Variants in SYT7 observed in about 807,000 individuals in gnomAD.
SYT7 encodes synaptotagmin 7, also known as synaptotagmin-7.
SYT7 carries 29 observed loss-of-function variants against 75.1 expected under a neutral mutation model. That is an observed-to-expected ratio of 0.39 (90% CI 0.29 to 0.53). The LOEUF (loss-of-function observed/expected upper bound fraction) is 0.53, where lower values mean the gene tolerates loss of function less well. SYT7 is among the 20% of genes least tolerant of loss of function. SYT7 has a pLI of 0.77. For missense variants in SYT7, 693 were observed against 953.2 expected (o/e 0.73, Z 3.59); for synonymous variants, 376 against 401.7 (o/e 0.94, Z 0.76).
Position 61,524,038 on chromosome 11 carries a change from C to T in SYT7, c.1642-97G>A, listed in dbSNP as rs941170920. The T allele has an allele frequency of 1.1e-4, 117 of 1,089,188 alleles. 1 individual carries two copies. Among genetic ancestry groups the T allele is most frequent in the Non-Finnish European group, 1.5e-4 (109 of 722,134 alleles). 67.5% of individuals were successfully genotyped at this position (1,089,188 alleles called of 1,614,324 possible). A position where few individuals can be genotyped will look rare whatever the true frequency, so the allele number is the denominator to read the frequency against. On this transcript the variant is annotated intron_variant, in intron 10 of 12. Coordinates refer to ENST00000539008, the MANE Select transcript of SYT7 (RefSeq NM_001365809.2). The surrounding 1 kb of genome is among the most constrained non-coding windows in gnomAD (Gnocchi z 4.1). ...GGTCCCCTCTACCCTGACCTTGGTG[C>T]TTACCCATGCCCCTGTCTGTCACCT...
intron 1 of SYT7, among the ~76,000 whole-genome samples, chr11:61,557,450 AG>A (rs2063528332): frequency 6.6e-6 from 1 of 152,190 alleles, no homozygotes; most frequent in African/African-American, 2.4e-5. Flanking sequence ...AGGAAGGCCC[AG>A]CAGTCACCCT....
intron 1 of SYT7, among the ~76,000 whole-genome samples, chr11:61,563,579 T>A (rs1046565654): frequency 3.3e-5 from 5 of 152,192 alleles, no homozygotes; most frequent in Non-Finnish European, 7.4e-5. Context: ...GGCCTCCCTT[T>A]GAGCTGATGA....
chr11:61,514,660 G>A lies in SYT7; in HGVS notation c.*3967C>T, dbSNP rs2062111063. On this transcript the variant is annotated 3_prime_UTR_variant, in exon 13 of 13. Transcript: ENST00000539008. ...TGCTTTGTTGTGGCCAGAAGAAACA[G>A]GTGGAAGGAAAGAGCTTGCCCAGGG... Among the ~76,000 whole-genome samples the A allele has an allele frequency of 6.6e-6, 1 of 152,204 alleles. No homozygotes were observed. Among genetic ancestry groups the A allele is most frequent in the South Asian group, 2.1e-4 (1 of 4,828 alleles).
chr11:61,537,041 C>G (rs1374906069), intron 7 of SYT7, among the ~76,000 whole-genome samples: 1 of 152,224 alleles, frequency 6.6e-6, no homozygotes, highest in South Asian at 2.1e-4. Flanking sequence ...GCAGAGAACC[C>G]AGAGAGGGGC....
chr11:61,525,590 T>C (rs867539791), intron 9 of SYT7: 12 of 152,076 alleles, frequency 7.9e-5, no homozygotes, highest in Non-Finnish European at 1.8e-4. Context: ...CACCTTTTTT[T>C]CCGCAAAACA....
In SYT7 at chr11:61,556,152, G is replaced by A. The variant is rs201514703; in HGVS notation, c.87C>T (p.Ser29=). 5 of 1,614,024 alleles carry A rather than the reference G, an allele frequency of 3.1e-6. No individual in the cohort carries two copies. In the African/African-American group the frequency reaches 4.0e-5, roughly 13 times the overall value. Residue 29 remains serine (S), a synonymous_variant, in exon 2 of 13, where the codon AGC becomes AGT. Transcript: ENST00000539008. The part of the protein sequence containing the change: ...LVSAIITVSL[S]VTVVLCGLCH... The stretch of plus-strand genomic sequence containing the variant: ...AGAGGCCGCAGAGGACGACAGTGAC[G>A]CTAAGGCTGACGGTGATGATGGCAG...
intron 7 of SYT7, 111 bp downstream of exon 7, chr11:61,538,033 C>A: frequency 6.9e-7 from 1 of 1,443,498 alleles, no homozygotes; most frequent in East Asian, 2.5e-5. Flanking sequence ...GCTCCAGCAT[C>A]CGCTGAAGGC....
intron 8 of SYT7, among the ~76,000 whole-genome samples, chr11:61,529,732 T>A (rs2062645978): frequency 6.6e-6 from 1 of 152,118 alleles, no homozygotes; most frequent in Non-Finnish European, 1.5e-5. Flanking sequence ...CCTCCCAAGG[T>A]CAAGCGATTT....
At chr11:61,527,879 G>A in intron 9 of SYT7, 36 bp downstream of exon 9, 5 of 1,608,310 alleles carry the variant, frequency 3.1e-6, no homozygotes, top group South Asian at 1.1e-5. Flanking sequence ...GACAGCAAGA[G>A]GTGACCATGG....
At chr11:61,525,174 G>A (rs931364359) in intron 9 of SYT7, among the ~76,000 whole-genome samples, 10 of 152,246 alleles carry the variant, frequency 6.6e-5, no homozygotes, top group African/African-American at 1.9e-4. Flanking sequence ...TCTCCAAACC[G>A]CCCTCCCCGC....
chr11:61,557,561 C>T (rs896274656), intron 1 of SYT7, among the ~76,000 whole-genome samples: 2 of 152,176 alleles, frequency 1.3e-5, no homozygotes, highest in African/African-American at 2.4e-5. Flanking sequence ...TACTAGAACC[C>T]TCTTTGGGCC....
the SYT7 span, among the ~76,000 whole-genome samples, chr11:61,587,830 G>A: frequency 1.3e-5 from 2 of 152,192 alleles, no homozygotes; most frequent in Admixed American, 6.5e-5. Flanking sequence ...CGCGGAGGGG[G>A]TGCCGCGGAG....
chr11:61,573,527 G>A (rs574867392), intron 1 of SYT7, among the ~76,000 whole-genome samples: 12 of 152,260 alleles, frequency 7.9e-5, no homozygotes, highest in African/African-American at 1.2e-4. Context: ...CCACACTACC[G>A]TGCTGTCAAA....
intron 9 of SYT7, among the ~76,000 whole-genome samples, chr11:61,526,817 C>A (rs1307556732): frequency 3.3e-5 from 5 of 152,186 alleles, no homozygotes; most frequent in African/African-American, 1.2e-4. Flanking sequence ...TCACTGCTCA[C>A]CCTCAGTGCC....
Position 61,542,503 on chromosome 11 carries a change from G to T in SYT7, c.649C>A (p.Arg217=). The change falls in exon 6 of 13, where the codon CGA becomes AGA. Residue 217 remains arginine, a synonymous_variant. Coordinates refer to ENST00000539008, the MANE Select transcript of SYT7 (RefSeq NM_001365809.2). This position sits in a 1 kb window ranked among gnomAD's most constrained non-coding sequence, Gnocchi z 7.8. The part of the protein sequence containing the change: ...PSSTGEPKCQ[R]PRTLMRQQSL... ...TGCTGCCGCATCAGGGTGCGGGGTC[G>T]CTGGCATTTCGGCTCTCCCGTGGAG... is the stretch of plus-strand genomic sequence containing the variant. 5.2e-6 allele frequency: 8 copies of T among 1,532,270 alleles called. No individual in the cohort carries two copies. The South Asian group carries it at 7.2e-5, about 14-fold the overall frequency. 94.9% of individuals were successfully genotyped at this position (1,532,270 alleles called of 1,614,324 possible). A position where few individuals can be genotyped will look rare whatever the true frequency, so the allele number is the denominator to read the frequency against.
intron 2 of SYT7, among the ~76,000 whole-genome samples, chr11:61,555,192 T>C (rs1017349512): frequency 2.0e-5 from 3 of 152,124 alleles, no homozygotes; most frequent in Non-Finnish European, 2.9e-5. Flanking sequence ...GGTGCCCTGC[T>C]CCCACTCCCA....
intron 1 of SYT7, among the ~76,000 whole-genome samples, chr11:61,573,994 C>T (rs933716867): frequency 6.6e-6 from 1 of 152,240 alleles, no homozygotes; most frequent in Non-Finnish European, 1.5e-5. Flanking sequence ...GCACCTGGCA[C>T]ATAGTGAGCA....
At chr11:61,575,991 A>T (rs1028505102) in intron 1 of SYT7, among the ~76,000 whole-genome samples, 1 of 152,138 alleles carries the variant, frequency 6.6e-6, no homozygotes, top group African/African-American at 2.4e-5. Context: ...CTCCCGGTCC[A>T]TTCTATCCCA....
rs180790754 is a variant in SYT7, at chr11:61,550,429, G to A, written c.215+955C>T. Among the ~76,000 whole-genome samples, 251 of 152,202 alleles carry A rather than the reference G, an allele frequency of 1.6e-3. 3 individuals are homozygous for A. The highest frequency in any genetic ancestry group is 1.5e-3 in the Non-Finnish European group (101 of 67,990). The stretch of plus-strand genomic sequence containing the variant: ...GGAAGGCAGGGGAGACCAGCAGCGG[G>A]CAGGGGCCAGAGGGCAGGGGGAGGG... On this transcript the variant is annotated intron_variant, in intron 3 of 12. Coordinates refer to ENST00000539008, the MANE Select transcript of SYT7 (RefSeq NM_001365809.2).
Sources: allele counts gnomAD v4.1 joint callset (sites outside exome capture counted in the v4.1 genomes callset), GRCh38; gene constraint gnomAD v4.1.1; non-coding constraint Gnocchi (gnomAD v3.1); transcripts MANE v1.5; gene names NCBI Gene and HGNC (gene_info 2026-07-23, HGNC 2026-07-21).